The following CTNNA3 variants were observed in gnomAD, a reference collection of about 807,000 sequenced individuals.
CTNNA3 encodes the protein catenin alpha 3.
CTNNA3 carries 76 observed loss-of-function variants against 95.7 expected under a neutral mutation model. That is an observed-to-expected ratio of 0.79 (90% CI 0.66 to 0.96). CTNNA3 has a LOEUF of 0.96. Among genes scored for constraint, CTNNA3 ranks in the 40% least tolerant of loss-of-function variants. CTNNA3 has a pLI of 0.00. For synonymous variants in CTNNA3, 431 were observed against 374.4 expected, an observed-to-expected ratio of 1.15 and a Z score of -1.74; for missense variants, 1,191 against 1,089.8, an observed-to-expected ratio of 1.09 and a Z score of -1.31.
At chr10:67,497,793 T>C (rs2133094255) in intron 5 of CTNNA3, among the ~76,000 whole-genome samples, 1 of 152,308 alleles carries the variant, frequency 6.6e-6, no homozygotes, top group African/African-American at 2.4e-5. Context: ...TGTTTGTTTC[T>C]TGTAAATTTG....
intron 1 of CTNNA3, among the ~76,000 whole-genome samples, chr10:67,671,791 G>A (rs1280136038): frequency 6.6e-6 from 1 of 151,786 alleles, no homozygotes; most frequent in Non-Finnish European, 1.5e-5. Context: ...CCAAGTCTTT[G>A]CTATTGTTAA....
chr10:67,559,855 G>A (rs1364808700), intron 3 of CTNNA3, among the ~76,000 whole-genome samples: 1 of 152,170 alleles, frequency 6.6e-6, no homozygotes, highest in Non-Finnish European at 1.5e-5. Flanking sequence ...AGCCTCAGGA[G>A]CCGATGCGAT....
chr10:66,817,888 A>G (rs982566861), intron 7 of CTNNA3, among the ~76,000 whole-genome samples: 1 of 152,030 alleles, frequency 6.6e-6, no homozygotes, highest in African/African-American at 2.4e-5. Context: ...TACAAAAACC[A>G]TCAACAAAAT....
intron 3 of CTNNA3, among the ~76,000 whole-genome samples, chr10:67,548,938 A>G (rs1177519052): frequency 1.3e-5 from 2 of 152,148 alleles, no homozygotes; most frequent in Non-Finnish European, 2.9e-5. Flanking sequence ...TTTTTAAAAT[A>G]GGCGAAGAGT....
intron 7 of CTNNA3, among the ~76,000 whole-genome samples, chr10:67,159,631 T>C (rs1861450485): frequency 6.6e-6 from 1 of 152,168 alleles, no homozygotes; most frequent in Admixed American, 6.6e-5. Flanking sequence ...AAAAGGTAGT[T>C]CCTTCAACAA....
intron 9 of CTNNA3, among the ~76,000 whole-genome samples, chr10:66,716,795 T>C (rs996953534): frequency 6.6e-6 from 1 of 152,080 alleles, no homozygotes; most frequent in Non-Finnish European, 1.5e-5. Flanking sequence ...TATCTTGGAG[T>C]TGGAACTTCT....
chr10:66,950,296 A>T (rs1848474064), intron 7 of CTNNA3, among the ~76,000 whole-genome samples: 1 of 152,036 alleles, frequency 6.6e-6, no homozygotes, highest in African/African-American at 2.4e-5. Context: ...AACTTGAAGT[A>T]TATTTACTTA....
chr10:67,122,222 AGTACATTTTAAGAAAAT>A (rs1216256446), intron 7 of CTNNA3, among the ~76,000 whole-genome samples: 4 of 152,098 alleles, frequency 2.6e-5, no homozygotes, highest in African/African-American at 4.8e-5. Flanking sequence ...TGTTATGAAT[AGTACATTTTAAGAAAAT>A]GTACATTATT....
intron 7 of CTNNA3, among the ~76,000 whole-genome samples, chr10:66,957,401 TATATATATATATGC>T (rs1190642995): frequency 2.6e-4 from 8 of 30,612 alleles, no homozygotes; most frequent in African/African-American, 1.9e-3. Context: ...TACATATATA[TATATATATATATGC>T]ATATATATAT....
intron 7 of CTNNA3, among the ~76,000 whole-genome samples, chr10:66,889,173 T>C (rs998578511): frequency 6.6e-6 from 1 of 152,206 alleles, no homozygotes; most frequent in African/African-American, 2.4e-5. Context: ...TACAAAATTA[T>C]GAAGGCAGTA....
intron 1 of CTNNA3, among the ~76,000 whole-genome samples, chr10:67,726,528 A>ATAATG (rs1421013037): frequency 5.6e-5 from 4 of 71,974 alleles, no homozygotes; most frequent in Non-Finnish European, 9.3e-5. Flanking sequence ...ATTATATTAT[A>ATAATG]TATATTATTA....
At chr10:67,231,683 G>T (rs1865220305) in intron 5 of CTNNA3, among the ~76,000 whole-genome samples, 1 of 148,184 alleles carries the variant, frequency 6.7e-6, no homozygotes, top group Non-Finnish European at 1.5e-5. Flanking sequence ...GAGAATGAGA[G>T]AAGAAGGCTT....
At chr10:67,417,542 G>A (rs1222810990) in intron 5 of CTNNA3, among the ~76,000 whole-genome samples, 1 of 152,244 alleles carries the variant, frequency 6.6e-6, no homozygotes, top group Middle Eastern at 3.4e-3. Context: ...TACCCTAAAA[G>A]TCCTTATAGA....
At chr10:66,699,467 G>T (rs1237946941) in intron 9 of CTNNA3, among the ~76,000 whole-genome samples, 1 of 151,330 alleles carries the variant, frequency 6.6e-6, no homozygotes, top group African/African-American at 2.4e-5. Flanking sequence ...GGTTTGATTT[G>T]CATTTCTCTC....
At chr10:67,144,260 T>C (rs572445279) in intron 7 of CTNNA3, among the ~76,000 whole-genome samples, 14 of 152,336 alleles carry the variant, frequency 9.2e-5, no homozygotes, top group African/African-American at 3.1e-4. Context: ...GTTTCATTTA[T>C]AGAGGACAGT....
chr10:66,578,187 T>C (rs61867465), intron 10 of CTNNA3, among the ~76,000 whole-genome samples: 32,157 of 151,946 alleles, frequency 0.21, 4,582 homozygotes, highest in Middle Eastern at 0.41. Context: ...ACTCTGAAAC[T>C]TTACTAAGGT....
chr10:66,139,224 T>C (rs1053014727), intron 13 of CTNNA3, among the ~76,000 whole-genome samples: 2 of 152,220 alleles, frequency 1.3e-5, no homozygotes, highest in African/African-American at 4.8e-5. Flanking sequence ...TCCCCTTTCT[T>C]ACTTCAGTGG....
In CTNNA3 at chr10:66,758,388, G is replaced by T. The variant is rs1007317681; in HGVS notation, c.1281+7876C>A. Among the ~76,000 whole-genome samples, 95 of 152,192 alleles carry T rather than the reference G, an allele frequency of 6.2e-4. 9 individuals are homozygous for T. Among genetic ancestry groups the T allele is most frequent in the Non-Finnish European group, 4.4e-5 (3 of 68,034 alleles). On this transcript the variant is annotated intron_variant, in intron 9 of 17. Transcript: ENST00000433211. Reference sequence around the variant, plus strand: ...GTTCAGTATATATAAGCCCTAAAGAGCACGTCGTAGGGACTCATTATGCTT... The same window carrying T: ...GTTCAGTATATATAAGCCCTAAAGATCACGTCGTAGGGACTCATTATGCTT...
rs550155652 is a variant in CTNNA3, at chr10:66,654,009, G to A, written c.1282-32225C>T. Among the ~76,000 whole-genome samples the A allele has an allele frequency of 5.3e-5, 8 of 152,146 alleles. No homozygotes were observed. The South Asian group carries it at 1.7e-3, about 32-fold the overall frequency. ...ACCTGAAACTGTAAAACTGCTAGAA[G>A]AAAACATAGAGGAAAATCTCCATGA... On this transcript the variant is annotated intron_variant, in intron 9 of 17. Coordinates refer to ENST00000433211, the MANE Select transcript of CTNNA3 (RefSeq NM_013266.4).
Sources: allele counts gnomAD v4.1 joint callset (sites outside exome capture counted in the v4.1 genomes callset), GRCh38; gene constraint gnomAD v4.1.1; transcripts MANE v1.5; gene names NCBI Gene and HGNC (gene_info 2026-07-23, HGNC 2026-07-21).